Variants in ITPR3 observed in about 807,000 individuals in gnomAD.
ITPR3 encodes the protein inositol 1,4,5-trisphosphate receptor type 3.
In ITPR3, 173 loss-of-function variants were observed where a neutral mutation model predicts 293.2. That is an observed-to-expected ratio of 0.59 (90% CI 0.52 to 0.67). The LOEUF is 0.67. Among genes scored for constraint, ITPR3 ranks in the 30% least tolerant of loss-of-function variants. The pLI, the probability that ITPR3 is intolerant of heterozygous loss-of-function variation, is 0.00. For synonymous variants in ITPR3, 1,295 were observed against 1,444.4 expected (o/e 0.90, Z 2.35); for missense variants, 2,796 against 3,592.1 (o/e 0.78, Z 5.66).
Position 33,685,536 on chromosome 6 carries a change from CAG to C in ITPR3, c.5482+4_5482+5del, listed in dbSNP as rs1765202812. 6 of 1,612,272 alleles carry C rather than the reference CAG, an allele frequency of 3.7e-6. No homozygotes were observed. Among genetic ancestry groups the C allele is most frequent in the East Asian group, 4.5e-5 (2 of 44,828 alleles). On this transcript the variant is annotated splice_donor_5th_base_variant and intron_variant, in intron 40 of 57. Coordinates refer to ENST00000605930, the MANE Select transcript of ITPR3 (RefSeq NM_002224.4). Reference sequence around the variant, plus strand: ...GCCAGTCGACCCCACCACCAAAGGTCAGGGGTCTGAGGCAGAGGCACGGCGTG... The same window carrying C: ...GCCAGTCGACCCCACCACCAAAGGTCGGGTCTGAGGCAGAGGCACGGCGTG...
Position 33,687,350 on chromosome 6 carries a change from C to T in ITPR3, c.6177+23C>T, listed in dbSNP as rs372932831. The T allele has an allele frequency of 6.7e-5, 105 of 1,556,768 alleles. No homozygotes were observed. The highest frequency in any genetic ancestry group is 2.0e-4 in the East Asian group (9 of 44,004). The stretch of plus-strand genomic sequence containing the variant: ...CAGGTACCAGTTCCACCCGTGGCAA[C>T]GGCCATCACCCCCCTGGCCACCATA... On this transcript the variant is annotated intron_variant, in intron 45 of 57. Coordinates refer to ENST00000605930, the MANE Select transcript of ITPR3 (RefSeq NM_002224.4). This position sits in a 1 kb window ranked among gnomAD's most constrained non-coding sequence, Gnocchi z 5.3.
In ITPR3 at chr6:33,678,472, A is replaced by C; in HGVS notation, c.3700A>C (p.Lys1234Gln). Residue 1234 changes from lysine to glutamine, a missense_variant, in exon 29 of 58, where the codon AAG (lysine) becomes CAG (glutamine). This residue lies in a region of ITPR3 where 344 missense variants were observed against 460.3 expected (regional missense o/e 0.75). Transcript: ENST00000605930. ...ILRYTHQFLQ[K>Q]FCAGNPGNQA... is the part of the protein sequence containing the mutation. ...GCGCTACACGCACCAGTTCCTGCAG[A>C]AGTTCTGTGCAGGGAACCCCGGCAA... The C allele has an allele frequency of 3.7e-6, 6 of 1,613,604 alleles. No homozygotes were observed. The highest frequency in any genetic ancestry group is 5.1e-6 in the Non-Finnish European group (6 of 1,179,960).
rs79380236 is a variant in ITPR3 at position 33,686,258 on chromosome 6, G to A, written c.5868+5G>A. 6.2e-7 allele frequency: 1 copy of A among 1,613,010 alleles called. No individual in the cohort carries two copies. Among genetic ancestry groups the A allele is most frequent in the Admixed American group, 1.7e-5 (1 of 59,922 alleles). On this transcript the variant is annotated splice_donor_5th_base_variant and intron_variant, in intron 42 of 57. Coordinates refer to ENST00000605930, the MANE Select transcript of ITPR3 (RefSeq NM_002224.4). ...GGCCCCTGCCATGAGAACCAGGTGA[G>A]CTGTCCTGGTGGCATAAGTGGCAGC...
At chr6:33,690,580 G>C (rs1765361803) in intron 51 of ITPR3, among the ~76,000 whole-genome samples, 1 of 152,204 alleles carries the variant, frequency 6.6e-6, no homozygotes. Flanking sequence ...TAAAATAATT[G>C]TGAGATGAAA....
intron 2 of ITPR3, among the ~76,000 whole-genome samples, chr6:33,653,312 G>A (rs74637372): frequency 0.067 from 8,621 of 129,638 alleles, 760 homozygotes; most frequent in African/African-American, 0.22. Context: ...ACAGGATTTC[G>A]TCATGTTGCC....
intron 33 of ITPR3, among the ~76,000 whole-genome samples, chr6:33,681,236 T>C (rs9368772): frequency 0.22 from 33,927 of 152,186 alleles, 4,977 homozygotes; most frequent in East Asian, 0.68. Context: ...AATGGTACCA[T>C]CCAGCAGGAA....
chr6:33,681,103 A>C (rs921848883), intron 33 of ITPR3, among the ~76,000 whole-genome samples: 1 of 152,024 alleles, frequency 6.6e-6, no homozygotes, highest in South Asian at 2.1e-4. Context: ...ACAGGTGTGA[A>C]CCACCGCGCC....
In ITPR3 at chr6:33,658,613, C is replaced by T; in HGVS notation, c.370-57C>T. On this transcript the variant is annotated intron_variant, in intron 4 of 57. Transcript: ENST00000605930. This position sits in a 1 kb window ranked among gnomAD's most constrained non-coding sequence, Gnocchi z 6.1. ...CTAGGGGATCCCCCCATATCCCCTC[C>T]CTAATGGGCCGACTCCTGTGGCGCG... 6.3e-7 allele frequency: 1 copy of T among 1,594,786 alleles called. No individual in the cohort carries two copies. The highest frequency in any genetic ancestry group is 1.7e-5 in the Admixed American group (1 of 59,050).
At position 33,682,460 on chromosome 6, in the gene ITPR3, T is replaced by C. The variant is rs1765102868; in HGVS notation, c.4477-64T>C. On this transcript the variant is annotated intron_variant, in intron 33 of 57. Transcript: ENST00000605930. This position sits in a 1 kb window ranked among gnomAD's most constrained non-coding sequence, Gnocchi z 5.4. ...CCCATTCTGATTGGGCCCTGGTTCCTGGACCTGGGGTTGCCCAGGGTGGGG... is the reference window on the plus strand; with the variant it reads ...CCCATTCTGATTGGGCCCTGGTTCCCGGACCTGGGGTTGCCCAGGGTGGGG... The C allele has an allele frequency of 2.1e-6, 3 of 1,460,272 alleles. No homozygotes were observed. Among genetic ancestry groups the C allele is most frequent in the Non-Finnish European group, 2.7e-6 (3 of 1,107,466 alleles). The allele number at this position is 1,460,272 out of a possible 1,614,324, so 90.5% of individuals were successfully genotyped here. A position where few individuals can be genotyped will look rare whatever the true frequency, so the allele number is the denominator to read the frequency against.
In ITPR3 at chr6:33,668,883, C is replaced by G. The variant is rs2296336; in HGVS notation, c.2007-91C>G. On this transcript the variant is annotated intron_variant, in intron 17 of 57. Transcript: ENST00000605930. Reference sequence around the variant, plus strand: ...TGGTCTCTCTGGGTCCCCGTGGTGGCTGGCACTGTGTGGCCGGGTGTGCTC... The same window carrying G: ...TGGTCTCTCTGGGTCCCCGTGGTGGGTGGCACTGTGTGGCCGGGTGTGCTC... 0.32 allele frequency: 435,799 copies of G among 1,371,970 alleles called. 73,331 individuals are homozygous for G. The highest frequency in any genetic ancestry group is 0.51 in the South Asian group (38,356 of 75,772). 85.0% of individuals were successfully genotyped at this position (1,371,970 alleles called of 1,614,324 possible).
At chr6:33,631,263 C>T (rs949131834) in intron 1 of ITPR3, among the ~76,000 whole-genome samples, 4 of 152,166 alleles carry the variant, frequency 2.6e-5, no homozygotes, top group Non-Finnish European at 5.9e-5. Context: ...AACACCTGGG[C>T]CGGGGTGACC....
At chr6:33,665,780 G>T in intron 13 of ITPR3, 55 bp from the exon 14 acceptor site, 1 of 1,601,314 alleles carries the variant, frequency 6.2e-7, no homozygotes, top group Non-Finnish European at 8.5e-7. Context: ...TCCCCAAGAG[G>T]GACACCTGCT....
Position 33,678,423 on chromosome 6 carries a change from T to C in ITPR3, c.3651T>C (p.Gly1217=). ...CTCTCCCTGACTCCTGTGTCCAGGG[T>C]GATGCCAAGATGATGGAGATCCTGC... ...LDLLQIPYDK[G]DAKMMEILRY... Residue 1217 remains glycine (G), a splice_region_variant and synonymous_variant, in exon 29 of 58, where the codon GGT becomes GGC. Transcript: ENST00000605930. 6.2e-7 allele frequency: 1 copy of C among 1,613,356 alleles called. No individual in the cohort carries two copies. The highest frequency in any genetic ancestry group is 8.5e-7 in the Non-Finnish European group (1 of 1,179,822).
At position 33,690,278 on chromosome 6, in the gene ITPR3, G is replaced by A. The variant is rs1190180385; in HGVS notation, c.7032+80G>A. On this transcript the variant is annotated intron_variant, in intron 51 of 57. Coordinates refer to ENST00000605930, the MANE Select transcript of ITPR3 (RefSeq NM_002224.4). Reference sequence around the variant, plus strand: ...TCCCATGAGTTGTTGGCAGTTCCCCGGCACCAGTCTGTCTGTCCAGTCCTT... The same window carrying A: ...TCCCATGAGTTGTTGGCAGTTCCCCAGCACCAGTCTGTCTGTCCAGTCCTT... 17 of 1,345,912 alleles carry A rather than the reference G, an allele frequency of 1.3e-5. 1 individual carries two copies. Among genetic ancestry groups the A allele is most frequent in the Middle Eastern group, 2.3e-4 (1 of 4,388 alleles). The allele number at this position is 1,345,912 out of a possible 1,614,324, so 83.4% of individuals were successfully genotyped here. A position where few individuals can be genotyped will look rare whatever the true frequency, so the allele number is the denominator to read the frequency against.
chr6:33,685,953 T>C, intron 41 of ITPR3, 100 bp from the exon 42 acceptor site: 1 of 1,478,392 alleles, frequency 6.8e-7, no homozygotes, highest in Non-Finnish European at 9.1e-7. Context: ...TTGTGGCTGG[T>C]GGTTCCCCTA....
At position 33,685,299 on chromosome 6, in the gene ITPR3, G is replaced by A. The variant is rs201090363; in HGVS notation, c.5308-60G>A. On this transcript the variant is annotated intron_variant, in intron 39 of 57. Coordinates refer to ENST00000605930, the MANE Select transcript of ITPR3 (RefSeq NM_002224.4). ...CAGCAGTGTGGTGTGCCTGCCCCAC[G>A]CCCTGAGTAGGAGCAGGGCCCAGTG... is the stretch of plus-strand genomic sequence containing the variant. The A allele has an allele frequency of 4.8e-4, 724 of 1,495,178 alleles. 2 individuals are homozygous for A. The highest frequency in any genetic ancestry group is 6.3e-4 in the Non-Finnish European group (684 of 1,086,346). 92.6% of individuals were successfully genotyped at this position (1,495,178 alleles called of 1,614,324 possible).
At position 33,672,245 on chromosome 6, in the gene ITPR3, C is replaced by A. The variant is rs372203577; in HGVS notation, c.2928+17C>A. On this transcript the variant is annotated intron_variant, in intron 22 of 57. Coordinates refer to ENST00000605930, the MANE Select transcript of ITPR3 (RefSeq NM_002224.4). This position sits in a 1 kb window ranked among gnomAD's most constrained non-coding sequence, Gnocchi z 5.0. ...ATCCTTCAGGTGCCTGGGCCAGGAC[C>A]GTGTGGGAGGTGTTGGGTATAGGGG... 7.9e-7 allele frequency: 1 copy of A among 1,258,054 alleles called. No homozygotes were observed. Among genetic ancestry groups the A allele is most frequent in the African/African-American group, 1.6e-5 (1 of 63,670 alleles). The allele number at this position is 1,258,054 out of a possible 1,614,324, so 77.9% of individuals were successfully genotyped here.
chr6:33,667,773 A>G lies in ITPR3; in HGVS notation c.1714-19A>G. On this transcript the variant is annotated intron_variant, in intron 15 of 57. Coordinates refer to ENST00000605930, the MANE Select transcript of ITPR3 (RefSeq NM_002224.4). The surrounding 1 kb of genome is among the most constrained non-coding windows in gnomAD (Gnocchi z 4.4). ...CCACCTGTGACTCTCTGTGACCCCCAGCCTGTCTGCCCCCCCAGGAGCACA... is the reference window on the plus strand; with the variant it reads ...CCACCTGTGACTCTCTGTGACCCCCGGCCTGTCTGCCCCCCCAGGAGCACA... 1 of 1,613,510 alleles carries G rather than the reference A, an allele frequency of 6.2e-7. No individual in the cohort carries two copies. The highest frequency in any genetic ancestry group is 1.1e-5 in the South Asian group (1 of 91,018).
chr6:33,679,238 G>T lies in ITPR3; in HGVS notation c.3972+399G>T, dbSNP rs1445327234. 6.6e-6 allele frequency among the ~76,000 whole-genome samples: 1 copy of T among 152,190 alleles called. No individual in the cohort carries two copies. The highest frequency in any genetic ancestry group is 1.5e-5 in the Non-Finnish European group (1 of 68,050). On this transcript the variant is annotated intron_variant, in intron 30 of 57. Transcript: ENST00000605930. The surrounding 1 kb of genome is among the most constrained non-coding windows in gnomAD (Gnocchi z 4.2). ...GGCACGGGCAGGGACCCCATCCTTTGTGTGCATCGCCAGGGCCCCAGTGTG... is the reference window on the plus strand; with the variant it reads ...GGCACGGGCAGGGACCCCATCCTTTTTGTGCATCGCCAGGGCCCCAGTGTG...
Sources: allele counts gnomAD v4.1 joint callset (sites outside exome capture counted in the v4.1 genomes callset), GRCh38; gene constraint gnomAD v4.1.1; regional missense constraint gnomAD v4.1.1; non-coding constraint Gnocchi (gnomAD v3.1); transcripts MANE v1.5; gene names NCBI Gene and HGNC (gene_info 2026-07-23, HGNC 2026-07-21).